Variants in NRCAM observed in about 807,000 individuals in gnomAD.
NRCAM encodes the protein neuronal cell adhesion molecule.
A neutral mutation model predicts 156.5 loss-of-function variants in NRCAM; 83 were observed. The ratio of observed to expected loss-of-function variants is 0.53; its 90% confidence interval spans 0.44 to 0.64. The LOEUF is 0.64. Ranked by LOEUF, NRCAM falls within the 30% of genes least tolerant of loss-of-function variation. NRCAM has a pLI of 0.00. For missense variants in NRCAM, 1,417 were observed against 1,597.3 expected, an observed-to-expected ratio of 0.89 and a Z score of 1.92; for synonymous variants, 538 against 563.9, an observed-to-expected ratio of 0.95 and a Z score of 0.65.
intron 1 of NRCAM, among the ~76,000 whole-genome samples, chr7:108,434,144 G>A (rs1442457763): frequency 6.6e-6 from 1 of 152,174 alleles, no homozygotes; most frequent in African/African-American, 2.4e-5. Flanking sequence ...GTGAGTCTGT[G>A]GCAGTGATTT....
intron 1 of NRCAM, among the ~76,000 whole-genome samples, chr7:108,435,824 A>G (rs1020246778): frequency 6.6e-6 from 1 of 152,264 alleles, no homozygotes; most frequent in Non-Finnish European, 1.5e-5. Context: ...CGAAAGGCAC[A>G]GTAAATCTTA....
intron 21 of NRCAM, 25 bp from the exon 22 acceptor site, chr7:108,184,336 T>G: frequency 6.2e-7 from 1 of 1,613,880 alleles, no homozygotes; most frequent in Non-Finnish European, 8.5e-7. Flanking sequence ...GCCACACATG[T>G]GTAAGCTTTG....
Position 108,288,964 on chromosome 7 carries a change from G to T in NRCAM, c.-107+23701C>A, listed in dbSNP as rs2098196156. Among the ~76,000 whole-genome samples the T allele has an allele frequency of 5.3e-5, 8 of 152,098 alleles. No homozygotes were observed. In the South Asian group the frequency reaches 1.7e-3, roughly 32 times the overall value. ...TTTTCTATATTTTTATTTTTCTGAG[G>T]GTGGGGTAGGGGGTTGAAGATCAGC... On this transcript the variant is annotated intron_variant, in intron 3 of 32. Coordinates refer to ENST00000379028, the MANE Select transcript of NRCAM (RefSeq NM_001037132.4).
intron 3 of NRCAM, among the ~76,000 whole-genome samples, chr7:108,241,812 C>A (rs3819747): frequency 1.3e-5 from 2 of 151,886 alleles, no homozygotes; most frequent in Non-Finnish European, 2.9e-5. Context: ...TAAAAACCAA[C>A]CTCTTGTTAA....
At chr7:108,313,334 T>C (rs2098830109) in intron 2 of NRCAM, 1 of 152,192 alleles carries the variant, frequency 6.6e-6, no homozygotes, top group Non-Finnish European at 1.5e-5. Context: ...AGAGGAAGGA[T>C]GGCGAGTAGA....
At chr7:108,255,427 C>T (rs923151354) in intron 3 of NRCAM, among the ~76,000 whole-genome samples, 2 of 152,320 alleles carry the variant, frequency 1.3e-5, no homozygotes, top group African/African-American at 2.4e-5. Context: ...CTGGGCCTCC[C>T]GAGGTGCCGG....
At chr7:108,411,159 G>A (rs946070532) in intron 1 of NRCAM, among the ~76,000 whole-genome samples, 5 of 151,862 alleles carry the variant, frequency 3.3e-5, no homozygotes, top group Admixed American at 6.6e-5. Flanking sequence ...CATCCCAAAT[G>A]TTCTGTGAAA....
intron 17 of NRCAM, among the ~76,000 whole-genome samples, chr7:108,192,153 G>A (rs895872415): frequency 1.3e-5 from 2 of 152,168 alleles, no homozygotes; most frequent in African/African-American, 4.8e-5. Flanking sequence ...TTAGGAACTG[G>A]GCTGCAGAGG....
rs536172279 is a variant in NRCAM at position 108,266,680 on chromosome 7, C to T, written c.-106-26510G>A. On this transcript the variant is annotated intron_variant, in intron 3 of 32. Coordinates refer to ENST00000379028, the MANE Select transcript of NRCAM (RefSeq NM_001037132.4). The stretch of plus-strand genomic sequence containing the variant: ...AATATCAGTCATTCCCTGTGACTCA[C>T]ACCAGCTTCTATATTTAGAACTGGG... Among the ~76,000 whole-genome samples, 8 of 152,298 alleles carry T rather than the reference C, an allele frequency of 5.3e-5. No homozygotes were observed. The East Asian group carries it at 1.3e-3, about 26-fold the overall frequency.
chr7:108,246,209 ACT>A (rs775019388), intron 3 of NRCAM, among the ~76,000 whole-genome samples: 7 of 152,058 alleles, frequency 4.6e-5, no homozygotes, highest in Non-Finnish European at 1.0e-4. Context: ...TGGGGAGGAG[ACT>A]GCTCCACTCT....
intron 2 of NRCAM, among the ~76,000 whole-genome samples, chr7:108,365,982 AT>A (rs2099589502): frequency 6.6e-6 from 1 of 152,178 alleles, no homozygotes; most frequent in Admixed American, 6.5e-5. Context: ...TTTAAGAGTA[AT>A]TTAATCATCA....
intron 30 of NRCAM, among the ~76,000 whole-genome samples, chr7:108,160,789 A>G (rs1388100742): frequency 3.3e-5 from 5 of 152,230 alleles, no homozygotes; most frequent in African/African-American, 1.2e-4. Flanking sequence ...CAATAAAAAC[A>G]AATTCCCAAA....
intron 3 of NRCAM, among the ~76,000 whole-genome samples, chr7:108,291,155 A>G (rs1233118733): frequency 2.6e-5 from 4 of 152,176 alleles, no homozygotes; most frequent in African/African-American, 9.7e-5. Flanking sequence ...TCCTTCCTCC[A>G]TATAACCTCA....
intron 21 of NRCAM, 43 bp from the exon 22 acceptor site, chr7:108,184,354 G>A (rs2065397815): frequency 6.2e-7 from 1 of 1,613,184 alleles, no homozygotes; most frequent in African/African-American, 1.3e-5. Flanking sequence ...TTGGCCTTTT[G>A]CGAAGAGTGG....
At chr7:108,160,109 G>A (rs563344946) in intron 31 of NRCAM, among the ~76,000 whole-genome samples, 2 of 152,214 alleles carry the variant, frequency 1.3e-5, no homozygotes, top group African/African-American at 2.4e-5. Context: ...AACCTATGTG[G>A]AGTCTAAGAA....
intron 1 of NRCAM, among the ~76,000 whole-genome samples, chr7:108,455,819 G>A (rs1034337646): frequency 6.6e-6 from 1 of 152,130 alleles, no homozygotes; most frequent in African/African-American, 2.4e-5. Flanking sequence ...CCGCGCCTCC[G>A]TGTCCAAGCC....
chr7:108,338,603 AGACAGAGAGGAGAGAGACACAGAGAGGG>A (rs1464806849), intron 2 of NRCAM, among the ~76,000 whole-genome samples: 3 of 151,680 alleles, frequency 2.0e-5, no homozygotes, highest in Admixed American at 2.0e-4. Context: ...ACAGAGAGAG[AGACAGAGAGGAGAGAGACACAGAGAGGG>A]GAGAGACACA....
In NRCAM at chr7:108,191,272, T is replaced by C. The variant is rs375688890; in HGVS notation, c.1915A>G (p.Thr639Ala). The C allele has an allele frequency of 3.1e-6, 5 of 1,604,016 alleles. No individual in the cohort carries two copies. Among genetic ancestry groups the C allele is most frequent in the Non-Finnish European group, 4.3e-6 (5 of 1,174,680 alleles). The stretch of plus-strand genomic sequence containing the variant: ...AGTTTACCGTAAACGGGAGCTGGAG[T>C]TGGAGTAGGAGCTAGAAAGGACATT... ...AVLSVVAPTP[T>A]PAPVYDVPNP... Residue 639 changes from threonine (T) to alanine (A), a missense_variant, in exon 19 of 33, where the codon ACT becomes GCT. By Grantham distance (58) the Thr-to-Ala change is moderately conservative. Coordinates refer to ENST00000379028, the MANE Select transcript of NRCAM (RefSeq NM_001037132.4).
chr7:108,149,955 G>A lies in NRCAM; in HGVS notation c.3870C>T (p.Ser1290=), dbSNP rs2040280345. 2 of 1,613,740 alleles carry A rather than the reference G, an allele frequency of 1.2e-6. No individual in the cohort carries two copies. The highest frequency in any genetic ancestry group is 1.7e-6 in the Non-Finnish European group (2 of 1,179,930). ...CGTTGACAGGAGAAGGTGCCTCTGA[G>A]CTTTCGTTTCCTTCAGCCGGCTCTT... The part of the protein sequence containing the change: ...KEKEPAEGNE[S]SEAPSPVNAM... Residue 1290 remains serine (S), a synonymous_variant, in exon 33 of 33, where the codon AGC becomes AGT. Transcript: ENST00000379028.
Sources: gnomAD v4.1 joint callset for allele counts (sites outside exome capture counted in the v4.1 genomes callset) on GRCh38, gnomAD v4.1.1 for gene constraint, MANE v1.5 for transcripts, NCBI Gene and HGNC (gene_info 2026-07-23, HGNC 2026-07-21) for gene names.